The following KAZN variants were observed in gnomAD, a reference collection of about 807,000 sequenced individuals.
KAZN encodes kazrin.
In KAZN, 40 loss-of-function variants were observed where a neutral mutation model predicts 87.4. The observed-to-expected ratio is 0.46, with a 90% CI of 0.36 to 0.60. The LOEUF is 0.60. Among genes scored for constraint, KAZN ranks in the 20% least tolerant of loss-of-function variants. The pLI, the probability that KAZN is intolerant of heterozygous loss-of-function variation, is 0.00. For synonymous variants in KAZN, 466 were observed against 458.3 expected (o/e 1.02, Z -0.22); for missense variants, 898 against 1,073.9 (o/e 0.84, Z 2.29).
At chr1:14,980,100 G>A (rs1666079785) in intron 2 of KAZN, among the ~76,000 whole-genome samples, 1 of 152,076 alleles carries the variant, frequency 6.6e-6, no homozygotes, top group Non-Finnish European at 1.5e-5. Flanking sequence ...TATTGGTCTG[G>A]CTGGTCTCAA....
At chr1:14,193,576 A>C (rs897049312) in intron 2 of KAZN, among the ~76,000 whole-genome samples, 1 of 151,940 alleles carries the variant, frequency 6.6e-6, no homozygotes, top group South Asian at 2.1e-4. Context: ...TCAGCCACCC[A>C]GTCTGTGCTA....
rs765335911 is a variant in KAZN, at chr1:15,099,821, T to G, written c.1548-1722T>G. On this transcript the variant is annotated intron_variant, in intron 10 of 14. Transcript: ENST00000376030. The surrounding 1 kb of genome is among the most constrained non-coding windows in gnomAD (Gnocchi z 5.4). ...GGAAACGGGGAGCAGCCGGGGAAAGTGGCAGAAACCCACACCAGAGACGCC... is the reference window on the plus strand; with the variant it reads ...GGAAACGGGGAGCAGCCGGGGAAAGGGGCAGAAACCCACACCAGAGACGCC... Among the ~76,000 whole-genome samples, 1 of 152,110 alleles carries G rather than the reference T, an allele frequency of 6.6e-6. No individual in the cohort carries two copies. The highest frequency in any genetic ancestry group is 1.5e-5 in the Non-Finnish European group (1 of 68,022).
intron 1 of KAZN, among the ~76,000 whole-genome samples, chr1:14,868,414 G>T (rs1465605693): frequency 7.9e-5 from 12 of 152,234 alleles, no homozygotes; most frequent in Non-Finnish European, 1.5e-5. Context: ...TATAGATGGG[G>T]AAACTGAGGC....
At chr1:14,943,005 GT>G (rs1661276576) in intron 1 of KAZN, among the ~76,000 whole-genome samples, 17 of 113,264 alleles carry the variant, frequency 1.5e-4, no homozygotes, top group Middle Eastern at 4.5e-3. Flanking sequence ...GTGTGTGTGT[GT>G]GGTGTGTGTG....
At chr1:14,794,018 C>A (rs974897192) in intron 1 of KAZN, among the ~76,000 whole-genome samples, 1 of 152,174 alleles carries the variant, frequency 6.6e-6, no homozygotes, top group Middle Eastern at 3.2e-3. Context: ...CAGGTCCTGA[C>A]CTTTTGTTCA....
chr1:14,231,089 G>T (rs1571083557), intron 2 of KAZN, among the ~76,000 whole-genome samples: 2 of 152,184 alleles, frequency 1.3e-5, no homozygotes, highest in East Asian at 3.9e-4. Flanking sequence ...AAAACTAGAG[G>T]CTATTGGTTC....
intron 1 of KAZN, among the ~76,000 whole-genome samples, chr1:14,830,740 G>A (rs907203170): frequency 6.6e-6 from 1 of 152,220 alleles, no homozygotes; most frequent in Non-Finnish European, 1.5e-5. Flanking sequence ...GCACCAGGGG[G>A]ATGGTGCCAA....
chr1:15,094,115 G>C lies in KAZN; in HGVS notation c.1223-65G>C. 6.7e-7 allele frequency: 1 copy of C among 1,482,974 alleles called. No individual in the cohort carries two copies. Among genetic ancestry groups the C allele is most frequent in the South Asian group, 1.2e-5 (1 of 83,166 alleles). 91.9% of individuals were successfully genotyped at this position (1,482,974 alleles called of 1,614,324 possible). On this transcript the variant is annotated intron_variant, in intron 8 of 14. Coordinates refer to ENST00000376030, the MANE Select transcript of KAZN (RefSeq NM_201628.3). This position sits in a 1 kb window ranked among gnomAD's most constrained non-coding sequence, Gnocchi z 4.5. ...ACCACCCTCTGCCTCCCGGGGGTAT[G>C]GCCTGCCCAGCCCCTGCCCCCAGCA...
chr1:14,159,870 G>A (rs1341548226), intron 1 of KAZN, among the ~76,000 whole-genome samples: 3 of 152,114 alleles, frequency 2.0e-5, no homozygotes, highest in Admixed American at 2.0e-4. Flanking sequence ...TTCCCTTCTG[G>A]CCTAGGGTGT....
At chr1:14,039,048 G>A (rs1641686263) in intron 1 of KAZN, among the ~76,000 whole-genome samples, 2 of 151,990 alleles carry the variant, frequency 1.3e-5, no homozygotes, top group Non-Finnish European at 2.9e-5. Flanking sequence ...GTGTGTGCCT[G>A]TAATCCCAGC....
chr1:14,815,306 C>A (rs897578266), intron 1 of KAZN, among the ~76,000 whole-genome samples: 1 of 152,106 alleles, frequency 6.6e-6, no homozygotes, highest in Non-Finnish European at 1.5e-5. Flanking sequence ...CTGGGCGCTC[C>A]CTGAGGCATT....
intron 1 of KAZN, among the ~76,000 whole-genome samples, chr1:14,866,719 T>C (rs1252906432): frequency 6.6e-6 from 1 of 152,108 alleles, no homozygotes; most frequent in African/African-American, 2.4e-5. Context: ...AGACTGAGAC[T>C]GTGTCTCTTA....
At chr1:14,400,273 A>C (rs983165847) in intron 2 of KAZN, among the ~76,000 whole-genome samples, 6 of 152,144 alleles carry the variant, frequency 3.9e-5, no homozygotes, top group Non-Finnish European at 8.8e-5. Context: ...TGTGAGAACA[A>C]CCTGGCCAGG....
At chr1:14,958,598 G>A (rs929903392) in intron 1 of KAZN, among the ~76,000 whole-genome samples, 58 of 152,214 alleles carry the variant, frequency 3.8e-4, no homozygotes, top group African/African-American at 1.3e-3. Flanking sequence ...AGCAGGGTGG[G>A]ACAGCCACCA....
At chr1:14,422,864 T>G (rs925844872) in intron 2 of KAZN, among the ~76,000 whole-genome samples, 3 of 152,242 alleles carry the variant, frequency 2.0e-5, no homozygotes, top group Non-Finnish European at 2.9e-5. Context: ...AGTAGAAGAA[T>G]AATTTCCCTA....
At chr1:14,100,444 C>T (rs545243682) in intron 1 of KAZN, among the ~76,000 whole-genome samples, 6 of 152,222 alleles carry the variant, frequency 3.9e-5, no homozygotes, top group East Asian at 3.9e-4. Context: ...CAAAAGGATC[C>T]GAAGCAAAAT....
chr1:14,788,330 T>C (rs1645572101), intron 1 of KAZN, among the ~76,000 whole-genome samples: 1 of 152,106 alleles, frequency 6.6e-6, no homozygotes, highest in Admixed American at 6.5e-5. Flanking sequence ...CTGTGGCAGA[T>C]GGAAAAAGAT....
chr1:14,749,531 G>A (rs2100481594), intron 1 of KAZN, among the ~76,000 whole-genome samples: 1 of 152,302 alleles, frequency 6.6e-6, no homozygotes, highest in Non-Finnish European at 1.5e-5. Context: ...GTTGCATGGG[G>A]AAGCAACAGA....
At chr1:14,317,313 TATTTC>T (rs143981041) in intron 2 of KAZN, among the ~76,000 whole-genome samples, 258 of 152,124 alleles carry the variant, frequency 1.7e-3, no homozygotes, top group African/African-American at 6.0e-3. Flanking sequence ...TTCAAAAGCC[TATTTC>T]ATTGATGTCA....
Sources: gnomAD v4.1 joint callset for allele counts (sites outside exome capture counted in the v4.1 genomes callset) on GRCh38, gnomAD v4.1.1 for gene constraint, Gnocchi (gnomAD v3.1) non-coding constraint, MANE v1.5 for transcripts, NCBI Gene and HGNC (gene_info 2026-07-23, HGNC 2026-07-21) for gene names.